SLC4A5: variants seen among roughly 807,000 people sequenced by gnomAD.
The protein encoded by SLC4A5 is electrogenic sodium bicarbonate cotransporter 4.
In SLC4A5, 96 loss-of-function variants were observed where a neutral mutation model predicts 120.4. The observed-to-expected ratio is 0.80, with a 90% CI of 0.68 to 0.94. The LOEUF (loss-of-function observed/expected upper bound fraction) is 0.94. SLC4A5 is among the 40% of genes least tolerant of loss of function. SLC4A5 has a pLI of 0.00. For synonymous variants in SLC4A5, 550 were observed against 571.1 expected (o/e 0.96, Z 0.53); for missense variants, 1,259 against 1,459.5 (o/e 0.86, Z 2.24).
At chr2:74,283,463 C>T (rs1287046852) in intron 8 of SLC4A5, among the ~76,000 whole-genome samples, 1 of 152,226 alleles carries the variant, frequency 6.6e-6, no homozygotes, top group Non-Finnish European at 1.5e-5. Flanking sequence ...ATTTGTTCCT[C>T]TCTGAGGCCC....
intron 20 of SLC4A5, among the ~76,000 whole-genome samples, chr2:74,240,697 A>C (rs1015918098): frequency 1.3e-5 from 2 of 151,970 alleles, no homozygotes; most frequent in Non-Finnish European, 2.9e-5. Flanking sequence ...TGAGCTCAGG[A>C]ATTTGAGGCT....
chr2:74,301,722 C>G (rs1049320301), intron 7 of SLC4A5, among the ~76,000 whole-genome samples: 1 of 152,238 alleles, frequency 6.6e-6, no homozygotes, highest in Non-Finnish European at 1.5e-5. Flanking sequence ...ATCACACATA[C>G]AATGCCCATT....
chr2:74,289,294 G>T (rs1272023916), intron 7 of SLC4A5, among the ~76,000 whole-genome samples: 1 of 151,858 alleles, frequency 6.6e-6, no homozygotes, highest in Admixed American at 6.6e-5. Context: ...GTATTTAAAT[G>T]AATTTTAAAT....
At chr2:74,277,433 C>T (rs1671679770) in intron 8 of SLC4A5, among the ~76,000 whole-genome samples, 1 of 152,140 alleles carries the variant, frequency 6.6e-6, no homozygotes, top group South Asian at 2.1e-4. Context: ...CCTGTAATCC[C>T]AGCTACTCGG....
At chr2:74,305,721 CTTTTTTTTTTT>C (rs35627197) in intron 6 of SLC4A5, among the ~76,000 whole-genome samples, 1 of 115,340 alleles carries the variant, frequency 8.7e-6, no homozygotes, top group South Asian at 2.6e-4. Context: ...CTTTTCTTTC[CTTTTTTTTTTT>C]TTTTTTTTTT....
intron 28 of SLC4A5, among the ~76,000 whole-genome samples, chr2:74,224,545 C>T (rs1252554793): frequency 6.6e-6 from 1 of 152,172 alleles, no homozygotes; most frequent in Non-Finnish European, 1.5e-5. Context: ...CACAGGAACC[C>T]GCTTGCTGTG....
At chr2:74,260,795 C>G (rs1671110629) in intron 11 of SLC4A5, among the ~76,000 whole-genome samples, 1 of 152,208 alleles carries the variant, frequency 6.6e-6, no homozygotes, top group South Asian at 2.1e-4. Flanking sequence ...TCACAGCATG[C>G]TCCTGCTTCA....
chr2:74,227,519 G>C, intron 26 of SLC4A5: 1 of 1,612,148 alleles, frequency 6.2e-7, no homozygotes, highest in African/African-American at 1.3e-5. Context: ...ATGCTCACTG[G>C]AGTCAGCTTC....
chr2:74,331,488 A>G (rs1673365850), intron 4 of SLC4A5, among the ~76,000 whole-genome samples: 1 of 151,850 alleles, frequency 6.6e-6, no homozygotes, highest in Non-Finnish European at 1.5e-5. Flanking sequence ...ATGAAGAAAT[A>G]GAAGATTGTT....
exon 27 of SLC4A5, chr2:74,227,033 G>A (rs1333580853): frequency 1.3e-5 from 21 of 1,614,082 alleles, no homozygotes; most frequent in Non-Finnish European, 1.8e-5. Flanking sequence ...CTGCACCAGG[G>A]TGAAGAGGTG....
chr2:74,331,292 G>T (rs1175721593), intron 4 of SLC4A5, among the ~76,000 whole-genome samples: 2 of 149,938 alleles, frequency 1.3e-5, no homozygotes, highest in African/African-American at 4.9e-5. Flanking sequence ...AGATGGAGGT[G>T]GTGACGTCTA....
intron 7 of SLC4A5, among the ~76,000 whole-genome samples, chr2:74,303,872 C>T (rs1033637593): frequency 2.7e-5 from 4 of 147,326 alleles, no homozygotes; most frequent in South Asian, 2.1e-4. Context: ...TTTTTTGAGA[C>T]GGAGTCTCGC....
intron 5 of SLC4A5, among the ~76,000 whole-genome samples, chr2:74,321,377 A>C (rs1482559792): frequency 6.6e-6 from 1 of 152,168 alleles, no homozygotes; most frequent in African/African-American, 2.4e-5. Flanking sequence ...TTTCAGAAGA[A>C]AGCCTCTTCA....
intron 19 of SLC4A5, among the ~76,000 whole-genome samples, chr2:74,243,076 C>T (rs964889381): frequency 2.0e-5 from 3 of 152,226 alleles, no homozygotes; most frequent in South Asian, 2.1e-4. Context: ...GAAGCAGAAT[C>T]GGGAACCCAA....
chr2:74,304,503 A>C (rs372162448), exon 7 of SLC4A5: 2 of 1,612,012 alleles, frequency 1.2e-6, no homozygotes, highest in African/African-American at 2.7e-5. Context: ...CCTGCTGATA[A>C]GATCCATGCT....
At chr2:74,270,992 TA>T (rs1016536164) in intron 8 of SLC4A5, among the ~76,000 whole-genome samples, 16 of 152,240 alleles carry the variant, frequency 1.1e-4, no homozygotes, top group African/African-American at 3.9e-4. Flanking sequence ...TCTCTGATTT[TA>T]TAACTGAAGT....
At chr2:74,339,085 T>G (rs1030943744) in intron 2 of SLC4A5, 182 bp from the exon 3 acceptor site, 50 of 152,200 alleles carry the variant, frequency 3.3e-4, no homozygotes, top group Non-Finnish European at 4.4e-5. Context: ...GGCAAAACAT[T>G]GGAAACAACC....
chr2:74,232,781 C>G (rs1354590372), intron 23 of SLC4A5, 134 bp from the exon 24 acceptor site: 3 of 1,121,474 alleles, frequency 2.7e-6, no homozygotes, highest in African/African-American at 1.6e-5. Flanking sequence ...GTGCTCCTTG[C>G]AAGGATTGCA....
At chr2:74,337,569 T>G (rs1673523958) in intron 3 of SLC4A5, among the ~76,000 whole-genome samples, 1 of 152,206 alleles carries the variant, frequency 6.6e-6, no homozygotes, top group African/African-American at 2.4e-5. Context: ...AAACTGGTAT[T>G]CTAAAGGATA....
Sources: allele counts gnomAD v4.1 joint callset (sites outside exome capture counted in the v4.1 genomes callset), GRCh38; gene constraint gnomAD v4.1.1; transcripts MANE v1.5; gene names NCBI Gene and HGNC (gene_info 2026-07-23, HGNC 2026-07-21).